The following GPC5 variants were observed in gnomAD, a reference collection of about 807,000 sequenced individuals.
GPC5 encodes glypican 5.
In GPC5, 47 loss-of-function variants were observed where a neutral mutation model predicts 53.9. The ratio of observed to expected loss-of-function variants is 0.87; its 90% CI spans 0.69 to 1.11. GPC5 has a LOEUF of 1.11. Among genes scored for constraint, GPC5 ranks in the 50% most tolerant of loss-of-function variants. GPC5 has a pLI of 0.00. For synonymous variants in GPC5, 286 were observed against 263.3 expected (o/e 1.09, Z -0.84); for missense variants, 748 against 713.1 (o/e 1.05, Z -0.56).
At chr13:92,393,170 C>T (rs1225255412) in intron 7 of GPC5, among the ~76,000 whole-genome samples, 7 of 152,044 alleles carry the variant, frequency 4.6e-5, no homozygotes, top group Non-Finnish European at 1.0e-4. Flanking sequence ...CAGTGACAGA[C>T]TGGATAGAGA....
intron 2 of GPC5, among the ~76,000 whole-genome samples, chr13:91,690,842 T>C (rs1180416043): frequency 6.6e-6 from 1 of 152,192 alleles, no homozygotes; most frequent in Non-Finnish European, 1.5e-5. Flanking sequence ...ATAGCACATA[T>C]CTTAGAAACC....
intron 7 of GPC5, among the ~76,000 whole-genome samples, chr13:92,845,253 A>T (rs1057036999): frequency 1.3e-5 from 2 of 152,142 alleles, no homozygotes; most frequent in African/African-American, 4.8e-5. Flanking sequence ...ATGATAAGAA[A>T]ATAACGTCCA....
intron 7 of GPC5, among the ~76,000 whole-genome samples, chr13:92,750,349 A>ATT (rs1401398424): frequency 6.6e-6 from 1 of 152,172 alleles, no homozygotes; most frequent in Admixed American, 6.5e-5. Flanking sequence ...TGTAAATTTC[A>ATT]TTATATATAA....
At chr13:92,778,808 GAC>G (rs1875913844) in intron 7 of GPC5, among the ~76,000 whole-genome samples, 1 of 152,132 alleles carries the variant, frequency 6.6e-6, no homozygotes, top group Non-Finnish European at 1.5e-5. Context: ...CATGCAAAAT[GAC>G]AGTGACTATA....
At chr13:92,227,756 T>C (rs1453316594) in intron 7 of GPC5, among the ~76,000 whole-genome samples, 1 of 152,174 alleles carries the variant, frequency 6.6e-6, no homozygotes, top group South Asian at 2.1e-4. Context: ...TTTTTCTTAA[T>C]TTTTAATGCT....
chr13:91,848,995 T>C (rs2038882998), intron 5 of GPC5, among the ~76,000 whole-genome samples: 1 of 152,188 alleles, frequency 6.6e-6, no homozygotes, highest in South Asian at 2.1e-4. Context: ...ATGTGAACTA[T>C]TTTTTAGAGG....
intron 7 of GPC5, among the ~76,000 whole-genome samples, chr13:92,252,650 G>A (rs116839844): frequency 0.021 from 3,130 of 151,862 alleles, 96 homozygotes; most frequent in African/African-American, 0.071. Flanking sequence ...ACAGTTACTT[G>A]GGATTATATT....
chr13:91,799,782 A>G (rs1286762779), intron 5 of GPC5, among the ~76,000 whole-genome samples: 1 of 152,210 alleles, frequency 6.6e-6, no homozygotes, highest in East Asian at 1.9e-4. Flanking sequence ...TCTAGCTAAC[A>G]TGATTGCAGT....
intron 7 of GPC5, among the ~76,000 whole-genome samples, chr13:92,560,794 C>T (rs1297717012): frequency 6.6e-6 from 1 of 151,128 alleles, no homozygotes; most frequent in African/African-American, 2.4e-5. Flanking sequence ...TATAGTGAAC[C>T]TTTAGACAGG....
chr13:92,136,003 A>G (rs1311580618), intron 6 of GPC5, among the ~76,000 whole-genome samples: 2 of 152,212 alleles, frequency 1.3e-5, no homozygotes, highest in African/African-American at 4.8e-5. Context: ...TTGGTATAAG[A>G]TTTGTAAAAT....
At chr13:92,339,501 C>T (rs2043348905) in intron 7 of GPC5, among the ~76,000 whole-genome samples, 1 of 152,026 alleles carries the variant, frequency 6.6e-6, no homozygotes, top group Non-Finnish European at 1.5e-5. Flanking sequence ...ATAACGTTAA[C>T]TACACTTCTG....
chr13:92,370,431 A>C (rs2043640854), intron 7 of GPC5, among the ~76,000 whole-genome samples: 2 of 152,174 alleles, frequency 1.3e-5, no homozygotes, highest in African/African-American at 4.8e-5. Context: ...AGCAAAATTG[A>C]TGATTCCTTA....
chr13:91,963,770 T>C (rs1238218452), intron 6 of GPC5, among the ~76,000 whole-genome samples: 1 of 152,134 alleles, frequency 6.6e-6, no homozygotes, highest in Admixed American at 6.6e-5. Flanking sequence ...ATAATATTGA[T>C]ATGCCACAAT....
In GPC5 at chr13:92,022,421, G is replaced by A. The variant is rs191882570; in HGVS notation, c.1401+114364G>A. ...AATAGACTGGGAATAGTTTAAAAGG[G>A]TGAAGCCTAAACAGGTGTTGGCTTC... On this transcript the variant is annotated intron_variant, in intron 6 of 7. Coordinates refer to ENST00000377067, the MANE Select transcript of GPC5 (RefSeq NM_004466.6). Among the ~76,000 whole-genome samples the A allele has an allele frequency of 4.9e-3, 746 of 152,214 alleles. 1 individual carries two copies. The highest frequency in any genetic ancestry group is 7.6e-3 in the Non-Finnish European group (519 of 67,998).
At chr13:92,693,061 C>G (rs1887459854) in intron 7 of GPC5, among the ~76,000 whole-genome samples, 1 of 152,034 alleles carries the variant, frequency 6.6e-6, no homozygotes, top group Non-Finnish European at 1.5e-5. Context: ...TCTCTCTGTC[C>G]TGCTGTCATG....
intron 7 of GPC5, among the ~76,000 whole-genome samples, chr13:92,603,734 G>A (rs1250891450): frequency 6.6e-6 from 1 of 152,180 alleles, no homozygotes; most frequent in Non-Finnish European, 1.5e-5. Context: ...TGAGTGGTTA[G>A]GTCTGTGGGT....
At chr13:91,545,250 C>T (rs559330410) in intron 2 of GPC5, among the ~76,000 whole-genome samples, 80 of 152,270 alleles carry the variant, frequency 5.3e-4, no homozygotes, top group African/African-American at 1.4e-3. Context: ...AGCAAAGGCT[C>T]ATGTCTGTAA....
intron 7 of GPC5, among the ~76,000 whole-genome samples, chr13:92,685,710 C>A (rs975475907): frequency 1.3e-3 from 122 of 95,292 alleles, no homozygotes; most frequent in African/African-American, 5.1e-3. Flanking sequence ...TATCCCTCCC[C>A]CCTCCCCCGA....
chr13:92,436,733 T>C (rs1877321475), intron 7 of GPC5, among the ~76,000 whole-genome samples: 1 of 152,196 alleles, frequency 6.6e-6, no homozygotes, highest in South Asian at 2.1e-4. Flanking sequence ...ATTAGGTTAA[T>C]ACAGTGTCTG....
Sources: gnomAD v4.1 joint callset for allele counts (sites outside exome capture counted in the v4.1 genomes callset) on GRCh38, gnomAD v4.1.1 for gene constraint, MANE v1.5 for transcripts, NCBI Gene and HGNC (gene_info 2026-07-23, HGNC 2026-07-21) for gene names.